ASPG: variants seen among roughly 807,000 people sequenced by gnomAD.
ASPG encodes 60 kDa lysophospholipase.
ASPG carries 53 observed loss-of-function variants against 63.2 expected under a neutral mutation model. The observed-to-expected ratio is 0.84, with a 90% CI of 0.67 to 1.05. The LOEUF (loss-of-function observed/expected upper bound fraction) is 1.05, where lower values mean the gene tolerates loss of function less well. Among genes scored for constraint, ASPG ranks in the 50% least tolerant of loss-of-function variants. ASPG has a pLI of 0.00. For missense variants in ASPG, 741 were observed against 794.4 expected (o/e 0.93, Z 0.81); for synonymous variants, 370 against 355.0 (o/e 1.04, Z -0.48).
At chr14:104,105,698 C>T (rs1469011964) in intron 10 of ASPG, among the ~76,000 whole-genome samples, 3 of 152,202 alleles carry the variant, frequency 2.0e-5, no homozygotes, top group Admixed American at 2.0e-4. Context: ...TTCTGACTGG[C>T]GGCGCTGCCT....
At chr14:104,108,493 G>T in intron 12 of ASPG, 1 of 985,444 alleles carries the variant, frequency 1.0e-6, no homozygotes, top group Non-Finnish European at 1.2e-6. Context: ...TGCCTGAGTG[G>T]GGTATGGGGA....
At position 104,097,580 on chromosome 14, in the gene ASPG, C is replaced by T. The variant is rs771923586; in HGVS notation, c.456C>T (p.Asp152=). The change falls in exon 5 of 16, where the codon GAC becomes GAT. Residue 152 remains aspartate, a synonymous_variant. Coordinates refer to ENST00000551177, the MANE Select transcript of ASPG (RefSeq NM_001080464.3). ...AQVPIHALWS[D]GRENLLGALL... is the part of the protein sequence containing the mutation. ...TGCCCATCCATGCCCTGTGGAGCGA[C>T]GGCCGTGAGAACCTGCTGGGGGCAC... is the stretch of plus-strand genomic sequence containing the variant. 33 of 1,559,120 alleles carry T rather than the reference C, an allele frequency of 2.1e-5. No homozygotes were observed. The highest frequency in any genetic ancestry group is 1.7e-4 in the Middle Eastern group (1 of 5,884).
chr14:104,093,325 G>C (rs1596067973), intron 2 of ASPG, 166 bp from the exon 3 acceptor site: 1 of 693,258 alleles, frequency 1.4e-6, no homozygotes, highest in African/African-American at 1.8e-5. Flanking sequence ...GTGGAAGGGG[G>C]GCCGGGCCCC....
At chr14:104,111,245 CTG>C (rs1251173515) in intron 13 of ASPG, 4 of 926,902 alleles carry the variant, frequency 4.3e-6, no homozygotes, top group Admixed American at 6.2e-5. Flanking sequence ...GTGTATGCTG[CTG>C]TGTGTGCATG....
chr14:104,111,619 C>A lies in ASPG; in HGVS notation c.1620+18C>A. The A allele has an allele frequency of 1.9e-6, 3 of 1,546,050 alleles. No homozygotes were observed. The highest frequency in any genetic ancestry group is 2.4e-5 in the South Asian group (2 of 83,788). ...TGCACGTCGTGAGTGCCCCCACCCC[C>A]TGCACCCTCTCCAAAGGCTGCCACC... On this transcript the variant is annotated intron_variant, in intron 14 of 15. Coordinates refer to ENST00000551177, the MANE Select transcript of ASPG (RefSeq NM_001080464.3).
In ASPG at chr14:104,091,835, G is replaced by A. The variant is rs1163556673; in HGVS notation, c.83-798G>A. ...GGAGGGAAGGGAGGGCCGGGAGGGA[G>A]CTTTGGGACTTGCTGGAGGCCCTGG... On this transcript the variant is annotated intron_variant, in intron 1 of 15. Transcript: ENST00000551177. The surrounding 1 kb of genome is among the most constrained non-coding windows in gnomAD (Gnocchi z 6.4). Among the ~76,000 whole-genome samples, 1 of 151,948 alleles carries A rather than the reference G, an allele frequency of 6.6e-6. No homozygotes were observed. Among genetic ancestry groups the A allele is most frequent in the Non-Finnish European group, 1.5e-5 (1 of 67,988 alleles).
In ASPG at chr14:104,095,571, G is replaced by A; in HGVS notation, c.344G>A (p.Gly115Asp). 6.2e-7 allele frequency: 1 copy of A among 1,613,208 alleles called. No homozygotes were observed. Among genetic ancestry groups the A allele is most frequent in the South Asian group, 1.1e-5 (1 of 91,080 alleles). Residue 115 changes from glycine to aspartate, a missense_variant, in exon 4 of 16, where the codon GGC becomes GAC. Transcript: ENST00000551177. Reference protein sequence around the residue: ...EQYHGFVVIHGTDTMAFAASM... With the variant: ...EQYHGFVVIHDTDTMAFAASM... ...TACCACGGCTTTGTGGTCATCCACG[G>A]CACCGACACCATGGCCTTTGCTGCC... is the stretch of plus-strand genomic sequence containing the variant.
At position 104,095,646 on chromosome 14, in the gene ASPG, C is replaced by T. The variant is rs2036564649; in HGVS notation, c.419C>T (p.Thr140Ile). 3 of 1,612,850 alleles carry T rather than the reference C, an allele frequency of 1.9e-6. No individual in the cohort carries two copies. The East Asian group carries it at 6.7e-5, about 36-fold the overall frequency. The change falls in exon 4 of 16, where the codon ACT becomes ATT. Residue 140 changes from threonine to isoleucine, a missense_variant. Coordinates refer to ENST00000551177, the MANE Select transcript of ASPG (RefSeq NM_001080464.3). Reference protein sequence around the residue: ...LENLQKTVILTGAQVPIHALW... With the variant: ...LENLQKTVILIGAQVPIHALW... ...AACCTGCAGAAGACTGTCATCCTCA[C>T]TGGGGCCCAGGTAATCCCAGGGGCC...
chr14:104,099,102 G>T, intron 6 of ASPG, 123 bp downstream of exon 6: 1 of 1,435,606 alleles, frequency 7.0e-7, no homozygotes, highest in East Asian at 2.5e-5. Flanking sequence ...GTTCTGACTT[G>T]CCCTGGCTTG....
chr14:104,110,688 A>G lies in ASPG; in HGVS notation c.1521-814A>G, dbSNP rs912059172. ...GCAGGGCTGCTGCTGTTTCCTGGGT[A>G]GGCGCAGAGTCCCTAAGGGCCCTCC... On this transcript the variant is annotated intron_variant, in intron 13 of 15. Transcript: ENST00000551177. This position sits in a 1 kb window ranked among gnomAD's most constrained non-coding sequence, Gnocchi z 4.7. 4 of 985,280 alleles carry G rather than the reference A, an allele frequency of 4.1e-6. No individual in the cohort carries two copies. The highest frequency in any genetic ancestry group is 3.6e-6 in the Non-Finnish European group (3 of 829,856). 61.0% of individuals were successfully genotyped at this position (985,280 alleles called of 1,614,324 possible).
chr14:104,099,251 T>A (rs1295260212), intron 6 of ASPG, among the ~76,000 whole-genome samples: 4 of 152,266 alleles, frequency 2.6e-5, no homozygotes, highest in African/African-American at 9.6e-5. Flanking sequence ...CTGGCCCTCA[T>A]GTGTCCTGCC....
intron 9 of ASPG, 110 bp from the exon 10 acceptor site, chr14:104,105,218 T>G (rs2037069100): frequency 1.3e-6 from 2 of 1,553,954 alleles, no homozygotes; most frequent in Non-Finnish European, 1.8e-6. Flanking sequence ...CGGCCGAGGC[T>G]CAGGCCAAGG....
At chr14:104,104,516 G>A (rs1335143599) in intron 8 of ASPG, 30 bp downstream of exon 8, 14 of 1,605,626 alleles carry the variant, frequency 8.7e-6, no homozygotes, top group Non-Finnish European at 1.0e-5. Flanking sequence ...GCCTAGCGGG[G>A]AAGGGGACAG....
intron 2 of ASPG, chr14:104,093,173 C>T (rs1030659560): frequency 7.5e-5 from 38 of 507,584 alleles, no homozygotes; most frequent in Non-Finnish European, 9.7e-5. Flanking sequence ...CCACCACAGC[C>T]GCCACAGGCG....
chr14:104,103,591 C>T lies in ASPG; in HGVS notation c.669C>T (p.Asp223=), dbSNP rs111758905. The change falls in exon 7 of 16, where the codon GAC becomes GAT. Residue 223 remains aspartate (D), a synonymous_variant. Transcript: ENST00000551177. ...ACAGGGAGCTGGTGCGGAAGGTGGA[C>T]GGGAAGGCTGGGCTGGTGGTGCACA... The part of the protein sequence containing the change: ...TINRELVRKV[D]GKAGLVVHSS... 2.9e-3 allele frequency: 4,444 copies of T among 1,548,104 alleles called. 123 individuals carry two copies. The African/African-American group carries it at 0.053, about 19-fold the overall frequency.
In ASPG at chr14:104,111,548, G is replaced by T; in HGVS notation, c.1567G>T (p.Ala523Ser). The stretch of plus-strand genomic sequence containing the variant: ...CGAAGGCCTGCAGGTGTGGTGGCAG[G>T]CAGGGGCTGACCTGGGGCAGCCGGG... Reference protein sequence around the residue: ...DLEGLQVWWQAGADLGQPGYD... With the variant: ...DLEGLQVWWQSGADLGQPGYD... The change falls in exon 14 of 16, where the codon GCA becomes TCA. Residue 523 changes from alanine to serine, a missense_variant. By Grantham distance (99) the Ala-to-Ser change is moderately conservative. Coordinates refer to ENST00000551177, the MANE Select transcript of ASPG (RefSeq NM_001080464.3). The T allele has an allele frequency of 6.4e-7, 1 of 1,552,414 alleles. No homozygotes were observed. The highest frequency in any genetic ancestry group is 8.7e-7 in the Non-Finnish European group (1 of 1,148,030).
In ASPG at chr14:104,103,655, C is replaced by T; in HGVS notation, c.733C>T (p.Pro245Ser). The change falls in exon 7 of 16, where the codon CCT (proline) becomes TCT (serine). Residue 245 changes from proline (P) to serine (S), a missense_variant. By Grantham distance (74) the Pro-to-Ser change is moderately conservative. Transcript: ENST00000551177. The part of the protein sequence containing the change: ...EQDVGLLRLY[P>S]GIPAALVRAF... ...GGACGTGGGCCTGCTGCGCCTCTAC[C>T]CTGGGATCCCTGCCGCCCTGGTAGG... 6.5e-7 allele frequency: 1 copy of T among 1,547,926 alleles called. No individual in the cohort carries two copies. The highest frequency in any genetic ancestry group is 8.7e-7 in the Non-Finnish European group (1 of 1,146,668).
chr14:104,101,401 A>G (rs2141020348), intron 6 of ASPG, among the ~76,000 whole-genome samples: 2 of 150,886 alleles, frequency 1.3e-5, no homozygotes, highest in East Asian at 3.9e-4. Flanking sequence ...CTGGGAAGTG[A>G]GGGGCTGGGC....
At position 104,100,041 on chromosome 14, in the gene ASPG, GCCTGGGGAGGCCCTT is replaced by G. The variant is rs796784175; in HGVS notation, c.640+1066_640+1080del. 2.6e-4 allele frequency among the ~76,000 whole-genome samples: 40 copies of G among 152,332 alleles called. 1 individual carries two copies. The highest frequency in any genetic ancestry group is 9.6e-4 in the African/African-American group (40 of 41,594). ...GGTCAAGCCCACAAGGTCACTGGACGCCTGGGGAGGCCCTTCCTAGGGAATCTCCCGGTGCGGCAG... is the reference window on the plus strand; with the variant it reads ...GGTCAAGCCCACAAGGTCACTGGACGCCTAGGGAATCTCCCGGTGCGGCAG... On this transcript the variant is annotated intron_variant, in intron 6 of 15. Coordinates refer to ENST00000551177, the MANE Select transcript of ASPG (RefSeq NM_001080464.3).
Sources: gnomAD v4.1 joint callset for allele counts (sites outside exome capture counted in the v4.1 genomes callset) on GRCh38, gnomAD v4.1.1 for gene constraint, Gnocchi (gnomAD v3.1) non-coding constraint, MANE v1.5 for transcripts, NCBI Gene and HGNC (gene_info 2026-07-23, HGNC 2026-07-21) for gene names.